NIM1K: variants seen among roughly 807,000 people sequenced by gnomAD.
NIM1K encodes the protein NIM1 serine/threonine protein kinase.
NIM1K carries 35 observed loss-of-function variants against 37.1 expected under a neutral mutation model. The ratio of observed to expected loss-of-function variants is 0.94; its 90% CI spans 0.72 to 1.25. The LOEUF is 1.25. NIM1K is among the 50% of genes most tolerant of loss of function. The pLI is 0.00. For synonymous variants in NIM1K, 234 were observed against 206.6 expected, an observed-to-expected ratio of 1.13 and a Z score of -1.14; for missense variants, 564 against 548.0, an observed-to-expected ratio of 1.03 and a Z score of -0.29.
intron 1 of NIM1K, among the ~76,000 whole-genome samples, chr5:43,233,621 C>T (rs1052086943): frequency 6.6e-6 from 1 of 152,204 alleles, no homozygotes; most frequent in African/African-American, 2.4e-5. Context: ...CGAGGTTTTT[C>T]TAACACCCAC....
intron 1 of NIM1K, chr5:43,232,717 G>T: frequency 7.3e-7 from 1 of 1,378,618 alleles, no homozygotes; most frequent in Non-Finnish European, 1.0e-6. Context: ...TTCCATGAGC[G>T]GGGAGGTGAA....
chr5:43,277,626 A>G (rs922519464), intron 3 of NIM1K, among the ~76,000 whole-genome samples: 1 of 151,706 alleles, frequency 6.6e-6, no homozygotes, highest in Non-Finnish European at 1.5e-5. Context: ...CTCATCTTCC[A>G]CTATCTGGAT....
At position 43,262,611 on chromosome 5, in the gene NIM1K, C is replaced by A. The variant is rs368395704; in HGVS notation, c.293-14446C>A. Among the ~76,000 whole-genome samples, 17 of 152,178 alleles carry A rather than the reference C, an allele frequency of 1.1e-4. No homozygotes were observed. The South Asian group carries it at 2.1e-3, about 19-fold the overall frequency. On this transcript the variant is annotated intron_variant, in intron 2 of 3. Coordinates refer to ENST00000326035, the MANE Select transcript of NIM1K (RefSeq NM_153361.4). The stretch of plus-strand genomic sequence containing the variant: ...GAATAGCCTTTATTTCTTTCTCCTG[C>A]TTGATTGCCCTGGCCAGAACTTCCA...
intron 1 of NIM1K, among the ~76,000 whole-genome samples, chr5:43,193,828 G>T (rs1751868658): frequency 6.6e-6 from 1 of 152,206 alleles, no homozygotes; most frequent in Middle Eastern, 3.4e-3. Flanking sequence ...TGAAGAAGTC[G>T]CCCTGCTCTA....
chr5:43,256,264 A>G (rs1752944352), intron 2 of NIM1K, among the ~76,000 whole-genome samples: 1 of 143,556 alleles, frequency 7.0e-6, no homozygotes, highest in Non-Finnish European at 1.6e-5. Context: ...TAATCCAGGC[A>G]AGAGATGAAG....
intron 1 of NIM1K, chr5:43,233,262 G>A (rs1426929269): frequency 3.6e-6 from 2 of 550,772 alleles, no homozygotes; most frequent in African/African-American, 1.9e-5. Flanking sequence ...ATTGATATAA[G>A]AGAACCTGCC....
chr5:43,238,332 T>C (rs1475770940), intron 1 of NIM1K, among the ~76,000 whole-genome samples: 1 of 151,986 alleles, frequency 6.6e-6, no homozygotes, highest in Non-Finnish European at 1.5e-5. Context: ...CGTGAGCCAC[T>C]GCGCCCGGCC....
intron 1 of NIM1K, among the ~76,000 whole-genome samples, chr5:43,214,503 T>G (rs2112222149): frequency 6.6e-6 from 1 of 152,278 alleles, no homozygotes; most frequent in Middle Eastern, 3.4e-3. Context: ...GAATAGTGAC[T>G]ATCATGAAGC....
intron 1 of NIM1K, among the ~76,000 whole-genome samples, chr5:43,197,777 C>G (rs924827475): frequency 1.3e-5 from 2 of 152,156 alleles, no homozygotes; most frequent in African/African-American, 4.8e-5. Context: ...CTCTTTTGGG[C>G]CCCACCCTGT....
chr5:43,261,501 G>T (rs1753029960), intron 2 of NIM1K, among the ~76,000 whole-genome samples: 1 of 152,028 alleles, frequency 6.6e-6, no homozygotes, highest in African/African-American at 2.4e-5. Context: ...TGTAGATTCT[G>T]GATATTAGCC....
chr5:43,227,252 C>T (rs1204762923), intron 1 of NIM1K, among the ~76,000 whole-genome samples: 3 of 151,874 alleles, frequency 2.0e-5, no homozygotes, highest in Non-Finnish European at 2.9e-5. Context: ...CCCAGCTACT[C>T]GGGAGGCAGA....
intron 2 of NIM1K, among the ~76,000 whole-genome samples, chr5:43,246,647 C>G (rs534941145): frequency 1.3e-5 from 2 of 152,330 alleles, no homozygotes; most frequent in Middle Eastern, 3.4e-3. Context: ...GATTTGATCT[C>G]AGAACCTTTT....
intron 2 of NIM1K, among the ~76,000 whole-genome samples, chr5:43,263,578 GA>G (rs1561091542): frequency 6.6e-6 from 1 of 150,474 alleles, no homozygotes. Context: ...TGGATTCATT[GA>G]TTTTTTTATT....
At chr5:43,213,200 T>C (rs1164256933) in intron 1 of NIM1K, among the ~76,000 whole-genome samples, 14 of 60,466 alleles carry the variant, frequency 2.3e-4, no homozygotes, top group Admixed American at 1.4e-4. Context: ...TTTCTTTCTT[T>C]CTTTCTTTCT....
At chr5:43,258,129 C>A (rs1752973845) in intron 2 of NIM1K, among the ~76,000 whole-genome samples, 1 of 152,132 alleles carries the variant, frequency 6.6e-6, no homozygotes, top group Non-Finnish European at 1.5e-5. Flanking sequence ...GAAGTGTAAC[C>A]ACTATTCTGA....
chr5:43,206,653 C>T (rs1040788698), intron 1 of NIM1K: 13 of 681,524 alleles, frequency 1.9e-5, no homozygotes, highest in Middle Eastern at 3.9e-4. Flanking sequence ...CAGCCTGACT[C>T]GGCCCCCCAG....
intron 1 of NIM1K, chr5:43,192,756 G>C (rs1751852091): frequency 6.6e-6 from 1 of 152,294 alleles, no homozygotes; most frequent in Admixed American, 6.5e-5. Flanking sequence ...CCATGTCTCT[G>C]TATGGTGTGG....
intron 1 of NIM1K, among the ~76,000 whole-genome samples, chr5:43,208,517 C>T (rs986420174): frequency 3.3e-5 from 5 of 151,720 alleles, no homozygotes; most frequent in Non-Finnish European, 5.9e-5. Context: ...GCAGGAGAAT[C>T]GCTTGAACCA....
In NIM1K at chr5:43,280,820, T is replaced by C. The variant is rs960440680; in HGVS notation, c.*91T>C. 8.0e-7 allele frequency: 1 copy of C among 1,247,168 alleles called. No homozygotes were observed. The highest frequency in any genetic ancestry group is 2.4e-5 in the East Asian group (1 of 41,654). 77.3% of individuals were successfully genotyped at this position (1,247,168 alleles called of 1,614,324 possible). A position where few individuals can be genotyped will look rare whatever the true frequency, so the allele number is the denominator to read the frequency against. ...AACTTGAGTGGAGACATTTTTGTAATTTTTAAATAAACTTAAATTTGAGAT... is the reference window on the plus strand; with the variant it reads ...AACTTGAGTGGAGACATTTTTGTAACTTTTAAATAAACTTAAATTTGAGAT... On this transcript the variant is annotated 3_prime_UTR_variant, in exon 4 of 4. Coordinates refer to ENST00000326035, the MANE Select transcript of NIM1K (RefSeq NM_153361.4).
Sources: allele counts gnomAD v4.1 joint callset (sites outside exome capture counted in the v4.1 genomes callset), GRCh38; gene constraint gnomAD v4.1.1; transcripts MANE v1.5; gene names NCBI Gene and HGNC (gene_info 2026-07-23, HGNC 2026-07-21).